Variants in KPNA6 observed in about 807,000 individuals in gnomAD.
The protein encoded by KPNA6 is importin subunit alpha-7.
KPNA6 carries 9 observed loss-of-function variants against 72.0 expected under a neutral mutation model. The ratio of observed to expected loss-of-function variants is 0.13; its 90% confidence interval spans 0.08 to 0.22. The LOEUF is 0.22. KPNA6 is among the 10% of genes least tolerant of loss of function. The pLI is 1.00. For synonymous variants in KPNA6, 219 were observed against 242.1 expected, an observed-to-expected ratio of 0.90 and a Z score of 0.89; for missense variants, 374 against 655.7, an observed-to-expected ratio of 0.57 and a Z score of 4.69.
At chr1:32,157,306 A>G (rs781509246) in intron 3 of KPNA6, 40 bp from the exon 4 acceptor site, 4 of 1,499,560 alleles carry the variant, frequency 2.7e-6, no homozygotes, top group Non-Finnish European at 3.7e-6. Context: ...TCTGGCTCTA[A>G]TGTTGGTTTG....
intron 1 of KPNA6, among the ~76,000 whole-genome samples, chr1:32,146,948 C>G (rs1176199497): frequency 1.3e-5 from 2 of 152,146 alleles, no homozygotes; most frequent in Non-Finnish European, 2.9e-5. Context: ...CAGCCTGAAC[C>G]TCCCAGGTTC....
At chr1:32,129,483 A>G (rs754198692) in intron 1 of KPNA6, among the ~76,000 whole-genome samples, 11 of 152,234 alleles carry the variant, frequency 7.2e-5, no homozygotes, top group Non-Finnish European at 1.3e-4. Flanking sequence ...ACTACTTGCC[A>G]GTCCCTATAA....
Position 32,157,333 on chromosome 1 carries a change from T to C in KPNA6, c.232-13T>C. On this transcript the variant is annotated splice_polypyrimidine_tract_variant and intron_variant, in intron 3 of 13. Transcript: ENST00000373625. ...GTTGGTTTGCAAAGTCCTAAACTTGTTTTATGTTCTAGGAGAGTGTGATCA... is the reference window on the plus strand; with the variant it reads ...GTTGGTTTGCAAAGTCCTAAACTTGCTTTATGTTCTAGGAGAGTGTGATCA... 1 of 1,603,044 alleles carries C rather than the reference T, an allele frequency of 6.2e-7. No homozygotes were observed. The highest frequency in any genetic ancestry group is 8.5e-7 in the Non-Finnish European group (1 of 1,170,088).
chr1:32,136,034 C>T (rs1641728233), intron 1 of KPNA6, among the ~76,000 whole-genome samples: 1 of 152,270 alleles, frequency 6.6e-6, no homozygotes, highest in South Asian at 2.1e-4. Context: ...TTTGTATTAA[C>T]AATTTAACCA....
At chr1:32,139,605 C>T (rs748623934) in intron 1 of KPNA6, among the ~76,000 whole-genome samples, 2 of 152,118 alleles carry the variant, frequency 1.3e-5, no homozygotes, top group Non-Finnish European at 2.9e-5. Flanking sequence ...GAATGTGAGG[C>T]GTTCTATAAG....
chr1:32,119,015 T>C (rs1569992663), intron 1 of KPNA6, among the ~76,000 whole-genome samples: 1 of 73,572 alleles, frequency 1.4e-5, no homozygotes, highest in Non-Finnish European at 2.4e-5. Context: ...TATATATATA[T>C]ATATATATAT....
At chr1:32,170,616 A>G in intron 13 of KPNA6, 91 bp from the exon 14 acceptor site, 6 of 1,044,012 alleles carry the variant, frequency 5.7e-6, no homozygotes, top group Non-Finnish European at 5.8e-6. Flanking sequence ...GTAAGCACTA[A>G]CATACCTCAG....
chr1:32,170,159 T>C (rs1642410746), intron 13 of KPNA6, 99 bp downstream of exon 13: 1 of 1,016,528 alleles, frequency 9.8e-7, no homozygotes. Flanking sequence ...TTGGGAAGCA[T>C]CCATAGCTTC....
intron 1 of KPNA6, among the ~76,000 whole-genome samples, chr1:32,120,647 A>G (rs919360165): frequency 6.6e-6 from 1 of 150,810 alleles, no homozygotes; most frequent in Non-Finnish European, 1.5e-5. Context: ...GCTCACTGCA[A>G]CCTCCGCCGC....
intron 3 of KPNA6, 109 bp from the exon 4 acceptor site, chr1:32,157,237 C>A: frequency 3.9e-6 from 3 of 766,016 alleles, no homozygotes; most frequent in South Asian, 3.4e-5. Flanking sequence ...CCTATTATGC[C>A]ATCCTCTTGC....
chr1:32,150,259 A>T (rs1407171925), intron 1 of KPNA6, among the ~76,000 whole-genome samples: 5 of 149,510 alleles, frequency 3.3e-5, no homozygotes, highest in African/African-American at 1.2e-4. Context: ...CAGCCTCCCG[A>T]GTAGCTGGGA....
chr1:32,142,255 CAAAAAAAAAAAAAAA>C (rs763008502), intron 1 of KPNA6, among the ~76,000 whole-genome samples: 5 of 55,288 alleles, frequency 9.0e-5, no homozygotes, highest in African/African-American at 3.6e-4. Context: ...GACCCTGTCT[CAAAAAAAAAAAAAAA>C]AAAAAAAAAA....
intron 1 of KPNA6, among the ~76,000 whole-genome samples, chr1:32,133,859 G>T (rs1275664904): frequency 6.6e-6 from 1 of 151,716 alleles, no homozygotes; most frequent in Non-Finnish European, 1.5e-5. Context: ...GGCAAACGTG[G>T]TGAAACCCCG....
In KPNA6 at chr1:32,176,358, T is replaced by C. The variant is rs1282494678; in HGVS notation, c.*5464T>C. The C allele has an allele frequency of 6.6e-6, 1 of 152,236 alleles. No individual in the cohort carries two copies. Among genetic ancestry groups the C allele is most frequent in the African/African-American group, 2.4e-5 (1 of 41,444 alleles). The allele number at this position is 152,236 out of a possible 1,614,324, so 9.4% of individuals were successfully genotyped here. On this transcript the variant is annotated 3_prime_UTR_variant, in exon 14 of 14. Transcript: ENST00000373625. Reference sequence around the variant, plus strand: ...TTATTTTTCTAATAACAATAAACTCTATTTTCCATGTTCTCAGGGCCCCTG... The same window carrying C: ...TTATTTTTCTAATAACAATAAACTCCATTTTCCATGTTCTCAGGGCCCCTG...
chr1:32,157,843 A>G (rs1259774193), intron 4 of KPNA6, among the ~76,000 whole-genome samples: 2 of 152,198 alleles, frequency 1.3e-5, no homozygotes, highest in Admixed American at 6.5e-5. Context: ...TGTACCTAGA[A>G]CTGTGTGGCA....
At chr1:32,156,191 C>G in intron 2 of KPNA6, among the ~76,000 whole-genome samples, 1 of 152,028 alleles carries the variant, frequency 6.6e-6, no homozygotes, top group Non-Finnish European at 1.5e-5. Flanking sequence ...CTGCCTCTGC[C>G]TCCAAGTCCT....
At chr1:32,133,647 G>A (rs1410376355) in intron 1 of KPNA6, among the ~76,000 whole-genome samples, 2 of 151,978 alleles carry the variant, frequency 1.3e-5, no homozygotes, top group Non-Finnish European at 2.9e-5. Context: ...TTGCACTACT[G>A]CATTCCAGCC....
intron 10 of KPNA6, among the ~76,000 whole-genome samples, chr1:32,165,718 C>T (rs10914533): frequency 0.014 from 2,181 of 151,662 alleles, 18 homozygotes; most frequent in Middle Eastern, 0.055. Flanking sequence ...AAAAATGAAG[C>T]CGGGCACAGT....
At chr1:32,130,106 T>TA (rs1641610790) in intron 1 of KPNA6, among the ~76,000 whole-genome samples, 1 of 152,170 alleles carries the variant, frequency 6.6e-6, no homozygotes, top group African/African-American at 2.4e-5. Context: ...ATCAGTCAAA[T>TA]ATGAATTTTG....
Sources: allele counts gnomAD v4.1 joint callset (sites outside exome capture counted in the v4.1 genomes callset), GRCh38; gene constraint gnomAD v4.1.1; transcripts MANE v1.5; gene names NCBI Gene and HGNC (gene_info 2026-07-23, HGNC 2026-07-21).